Variants in RBPJ observed in about 807,000 individuals in gnomAD.
The protein encoded by RBPJ is recombining binding protein suppressor of hairless.
A neutral mutation model predicts 67.8 loss-of-function variants in RBPJ; 9 were observed. The observed-to-expected ratio is 0.13, with a 90% CI of 0.08 to 0.23. The LOEUF is 0.23. Ranked by LOEUF, RBPJ falls within the 10% of genes least tolerant of loss-of-function variation. The pLI is 1.00. For synonymous variants in RBPJ, 198 were observed against 203.3 expected (o/e 0.97, Z 0.22); for missense variants, 305 against 595.6 (o/e 0.51, Z 5.08).
At chr4:26,117,499 C>T in the RBPJ span, among the ~76,000 whole-genome samples, 13 of 152,036 alleles carry the variant, frequency 8.6e-5, no homozygotes, top group Admixed American at 3.3e-4. Flanking sequence ...CAATTAAATT[C>T]TATATTGCAC....
intron 1 of RBPJ, among the ~76,000 whole-genome samples, chr4:26,271,135 G>A (rs1320856421): frequency 6.6e-6 from 1 of 152,078 alleles, no homozygotes; most frequent in African/African-American, 2.4e-5. Context: ...CAAACTCCCA[G>A]GCTCAAGCTC....
chr4:26,284,544 C>T (rs1721393102), intron 1 of RBPJ, among the ~76,000 whole-genome samples: 1 of 152,180 alleles, frequency 6.6e-6, no homozygotes, highest in African/African-American at 2.4e-5. Context: ...TCTCAGCTCA[C>T]TGCAACCTCC....
chr4:26,397,092 C>T (rs1324703333), intron 2 of RBPJ, among the ~76,000 whole-genome samples: 2 of 152,242 alleles, frequency 1.3e-5, no homozygotes, highest in African/African-American at 4.8e-5. Context: ...AAATATCCCT[C>T]TCTTGAAGAT....
intron 1 of RBPJ, among the ~76,000 whole-genome samples, chr4:26,255,226 G>A (rs67185942): frequency 0.94 from 125,456 of 133,688 alleles, 58,869 homozygotes; most frequent in East Asian, 0.99. Flanking sequence ...AACACGGTGA[G>A]ACCCCGTCTC....
intron 2 of RBPJ, among the ~76,000 whole-genome samples, chr4:26,387,862 T>C (rs1731081327): frequency 1.3e-5 from 2 of 152,186 alleles, no homozygotes; most frequent in South Asian, 2.1e-4. Flanking sequence ...TTCGCTAGAG[T>C]GCTCAGAAGG....
chr4:26,118,061 GTTGT>G, the RBPJ span, among the ~76,000 whole-genome samples: 151 of 151,892 alleles, frequency 9.9e-4, no homozygotes, highest in Middle Eastern at 3.4e-3. Context: ...TTTGTTTATA[GTTGT>G]TTGTATTTTT....
At chr4:26,246,404 A>G (rs1328552144) in intron 1 of RBPJ, among the ~76,000 whole-genome samples, 2 of 152,348 alleles carry the variant, frequency 1.3e-5, no homozygotes, top group African/African-American at 4.8e-5. Flanking sequence ...ATTGATCCCC[A>G]TAACATTTAA....
rs533133275 is a variant in RBPJ, at chr4:26,339,875, C to T, written c.20+18827C>T. ...TGTCTACAAAAATACAAAAATTAGC[C>T]GGGCATGATGGCGGTTGCCTGTAAT... On this transcript the variant is annotated intron_variant, in intron 1 of 10. Transcript: ENST00000355476. Among the ~76,000 whole-genome samples, 66 of 152,028 alleles carry T rather than the reference C, an allele frequency of 4.3e-4. No homozygotes were observed. The South Asian group carries it at 9.6e-3, about 22-fold the overall frequency.
intron 1 of RBPJ, among the ~76,000 whole-genome samples, chr4:26,169,760 A>C (rs1285800796): frequency 6.6e-6 from 1 of 152,058 alleles, no homozygotes; most frequent in Non-Finnish European, 1.5e-5. Flanking sequence ...TTGTTTACCT[A>C]AGCGAGCCTG....
At chr4:26,281,432 C>T (rs908864909) in intron 1 of RBPJ, among the ~76,000 whole-genome samples, 2 of 152,100 alleles carry the variant, frequency 1.3e-5, no homozygotes, top group African/African-American at 4.8e-5. Flanking sequence ...GCACCCACCA[C>T]CACACCCAGC....
At chr4:26,132,534 C>T in the RBPJ span, among the ~76,000 whole-genome samples, 4 of 152,238 alleles carry the variant, frequency 2.6e-5, no homozygotes, top group African/African-American at 4.8e-5. Flanking sequence ...GAGGCCCCAC[C>T]CTTGGCTGTG....
intron 7 of RBPJ, among the ~76,000 whole-genome samples, chr4:26,427,126 G>A (rs1033897169): frequency 7.9e-5 from 12 of 152,120 alleles, no homozygotes; most frequent in African/African-American, 2.7e-4. Flanking sequence ...TTAGACCCAG[G>A]ATCATAGTAT....
intron 1 of RBPJ, among the ~76,000 whole-genome samples, chr4:26,326,322 GT>G (rs565298555): frequency 2.2e-4 from 32 of 146,436 alleles, no homozygotes; most frequent in African/African-American, 6.0e-4. Context: ...TTAGGCAAAA[GT>G]TTTTTTTTTT....
intron 1 of RBPJ, among the ~76,000 whole-genome samples, chr4:26,385,868 T>A (rs373868861): frequency 6.6e-6 from 1 of 152,012 alleles, no homozygotes; most frequent in Admixed American, 6.6e-5. Flanking sequence ...AGTGGCACGA[T>A]CATGACTCAC....
chr4:26,294,674 G>T (rs1406413934), intron 1 of RBPJ, among the ~76,000 whole-genome samples: 8 of 151,948 alleles, frequency 5.3e-5, no homozygotes, highest in Non-Finnish European at 1.2e-4. Context: ...GAGGCCAGGA[G>T]TTCAAAACCA....
intron 2 of RBPJ, 92 bp downstream of exon 2, chr4:26,386,483 A>G: frequency 1.2e-6 from 1 of 828,484 alleles, no homozygotes; most frequent in Non-Finnish European, 1.9e-6. Flanking sequence ...GTACCCTTAA[A>G]GTCATTCAAA....
At chr4:26,389,966 G>A (rs532507750) in intron 2 of RBPJ, among the ~76,000 whole-genome samples, 24 of 152,202 alleles carry the variant, frequency 1.6e-4, no homozygotes, top group African/African-American at 5.1e-4. Context: ...ACCCTGTTGC[G>A]AAAAGTAGGC....
chr4:26,306,470 G>T (rs1577409288), intron 1 of RBPJ, among the ~76,000 whole-genome samples: 1 of 120,040 alleles, frequency 8.3e-6, no homozygotes, highest in African/African-American at 4.1e-5. Context: ...ATTATTATTT[G>T]AGACAAAGTC....
chr4:26,239,725 AGAGGG>A (rs557944482), intron 1 of RBPJ, among the ~76,000 whole-genome samples: 164 of 122,446 alleles, frequency 1.3e-3, no homozygotes, highest in Non-Finnish European at 2.0e-3. Flanking sequence ...GGAGAAGAGA[AGAGGG>A]GAGGGGAGGG....
Sources: gnomAD v4.1 joint callset for allele counts (sites outside exome capture counted in the v4.1 genomes callset) on GRCh38, gnomAD v4.1.1 for gene constraint, MANE v1.5 for transcripts, NCBI Gene and HGNC (gene_info 2026-07-23, HGNC 2026-07-21) for gene names.